GALK2: variants seen among roughly 807,000 people sequenced by gnomAD.
GALK2 encodes the protein galactokinase 2, also known as N-acetylgalactosamine kinase.
In GALK2, 36 loss-of-function variants were observed where a neutral mutation model predicts 52.4. The ratio of observed to expected loss-of-function variants is 0.69; its 90% CI spans 0.53 to 0.91. The LOEUF (loss-of-function observed/expected upper bound fraction) is 0.91, where lower values mean the gene tolerates loss of function less well. GALK2 is among the 40% of genes least tolerant of loss of function. The pLI, the probability that GALK2 is intolerant of heterozygous loss-of-function variation, is 0.00. For synonymous variants in GALK2, 176 were observed against 199.1 expected, an observed-to-expected ratio of 0.88 and a Z score of 0.98; for missense variants, 579 against 559.1, an observed-to-expected ratio of 1.04 and a Z score of -0.36.
chr15:49,357,931 A>T (rs1315592504), intron 3 of GALK2, among the ~76,000 whole-genome samples: 2 of 152,048 alleles, frequency 1.3e-5, no homozygotes, highest in Non-Finnish European at 2.9e-5. Context: ...GGCTGGTTCA[A>T]TATACACAAA....
chr15:49,303,353 A>G (rs2035275950), intron 8 of GALK2, among the ~76,000 whole-genome samples: 1 of 152,192 alleles, frequency 6.6e-6, no homozygotes, highest in African/African-American at 2.4e-5. Context: ...AGAGCCTAGG[A>G]CATGTGTTGG....
At chr15:49,316,007 G>T (rs1253206267) in intron 8 of GALK2, among the ~76,000 whole-genome samples, 1 of 152,152 alleles carries the variant, frequency 6.6e-6, no homozygotes, top group Non-Finnish European at 1.5e-5. Flanking sequence ...CTCCCTGATG[G>T]ACTATATTGA....
chr15:49,327,994 G>C lies in GALK2; in HGVS notation c.1212G>C (p.Trp404Cys), dbSNP rs767278183. The change falls in exon 10 of 10, where the codon TGG becomes TGC. Residue 404 changes from tryptophan to cysteine, a missense_variant. Transcript: ENST00000560031. The stretch of plus-strand genomic sequence containing the variant: ...GGTCACGACTTACTGGAGCAGGATG[G>C]GGAGGCTGCACAGTATCAATGGTAC... The part of the protein sequence containing the change: ...AQGSRLTGAG[W>C]GGCTVSMVPA... 1 of 1,613,808 alleles carries C rather than the reference G, an allele frequency of 6.2e-7. No homozygotes were observed. Among genetic ancestry groups the C allele is most frequent in the East Asian group, 2.2e-5 (1 of 44,880 alleles).
intron 3 of GALK2, among the ~76,000 whole-genome samples, chr15:49,352,920 G>A (rs1318469946): frequency 2.0e-5 from 3 of 152,168 alleles, no homozygotes; most frequent in African/African-American, 7.2e-5. Flanking sequence ...TTACACTGGT[G>A]TTCTGTCTTA....
At chr15:49,168,166 G>A (rs773396245), upstream of GALK2, among the ~76,000 whole-genome samples, 3 of 152,124 alleles carry the variant, frequency 2.0e-5, no homozygotes, top group East Asian at 1.9e-4. Context: ...AGTCTGCATC[G>A]GTTTTGTTGA....
chr15:49,227,979 G>A (rs1002132630), intron 3 of GALK2, among the ~76,000 whole-genome samples: 9 of 152,056 alleles, frequency 5.9e-5, no homozygotes, highest in Admixed American at 5.9e-4. Context: ...TATGAAGGAT[G>A]ATTTTGTTGA....
chr15:49,292,634 T>A, intron 8 of GALK2, 97 bp downstream of exon 8: 1 of 936,608 alleles, frequency 1.1e-6, no homozygotes. Flanking sequence ...CTTGAGGGAA[T>A]TTGGAGACTG....
chr15:49,183,519 C>G (rs2086123302), intron 1 of GALK2, among the ~76,000 whole-genome samples: 1 of 152,196 alleles, frequency 6.6e-6, no homozygotes, highest in Admixed American at 6.5e-5. Context: ...AGAAAAGATA[C>G]ATGATATGAT....
chr15:49,341,221 T>C (rs1277320131), intron 3 of GALK2, among the ~76,000 whole-genome samples: 1 of 152,220 alleles, frequency 6.6e-6, no homozygotes, highest in Non-Finnish European at 1.5e-5. Flanking sequence ...TTGTTCTTTT[T>C]GCTTAGGATT....
intron 7 of GALK2, among the ~76,000 whole-genome samples, chr15:49,285,699 C>T (rs1272891264): frequency 6.6e-6 from 1 of 152,172 alleles, no homozygotes; most frequent in Non-Finnish European, 1.5e-5. Flanking sequence ...TTCCATCGGT[C>T]CCATCATCAC....
At chr15:49,314,794 G>A (rs574756458) in intron 8 of GALK2, among the ~76,000 whole-genome samples, 1 of 152,246 alleles carries the variant, frequency 6.6e-6, no homozygotes, top group South Asian at 2.1e-4. Flanking sequence ...AAATATGTAT[G>A]TGTGTGGGCT....
At chr15:49,342,308 T>A (rs1188449439) in intron 3 of GALK2, among the ~76,000 whole-genome samples, 1 of 152,216 alleles carries the variant, frequency 6.6e-6, no homozygotes, top group African/African-American at 2.4e-5. Flanking sequence ...TTGACTGTTG[T>A]TGGTTTAAAG....
intron 3 of GALK2, among the ~76,000 whole-genome samples, chr15:49,235,093 A>G (rs1176570891): frequency 1.3e-5 from 2 of 152,148 alleles, no homozygotes; most frequent in African/African-American, 4.8e-5. Flanking sequence ...ATTGTAGTTC[A>G]TAAGTGTCTG....
intron 2 of GALK2, among the ~76,000 whole-genome samples, chr15:49,204,736 G>A (rs1212541633): frequency 6.6e-6 from 1 of 151,950 alleles, no homozygotes; most frequent in Admixed American, 6.6e-5. Flanking sequence ...TGGGGTACAG[G>A]TGGTATTTGG....
At chr15:49,194,004 G>A (rs2086989625) in intron 1 of GALK2, 1 of 152,168 alleles carries the variant, frequency 6.6e-6, no homozygotes, top group East Asian at 1.9e-4. Context: ...GGGATTACAG[G>A]TGTGATGTAC....
chr15:49,180,628 A>T lies in GALK2; in HGVS notation c.53+10253A>T, dbSNP rs528843367. Among the ~76,000 whole-genome samples, 29 of 152,320 alleles carry T rather than the reference A, an allele frequency of 1.9e-4. 1 individual carries two copies. The East Asian group carries it at 3.1e-3, about 16-fold the overall frequency. ...TGTATGTTAAAAGCCAGGTTTCTCA[A>T]TATGGCATAAGGCCCTTTAAGATCT... On this transcript the variant is annotated intron_variant, in intron 1 of 9. Transcript: ENST00000560031.
At chr15:49,215,160 TC>T (rs558182467) in intron 2 of GALK2, among the ~76,000 whole-genome samples, 119 of 152,334 alleles carry the variant, frequency 7.8e-4, no homozygotes, top group African/African-American at 2.8e-3. Flanking sequence ...ACTTTCTTTA[TC>T]CTTGACCTTT....
At chr15:49,229,687 T>C (rs1339623226) in intron 3 of GALK2, among the ~76,000 whole-genome samples, 1 of 152,032 alleles carries the variant, frequency 6.6e-6, no homozygotes, top group Non-Finnish European at 1.5e-5. Context: ...TAGGCAGTAG[T>C]AGAGTGAACC....
At chr15:49,349,203 T>G (rs2041922127) in intron 3 of GALK2, among the ~76,000 whole-genome samples, 1 of 152,232 alleles carries the variant, frequency 6.6e-6, no homozygotes, top group Non-Finnish European at 1.5e-5. Flanking sequence ...TACAATTTTT[T>G]AATTGTCTCT....
Sources: allele counts gnomAD v4.1 joint callset (sites outside exome capture counted in the v4.1 genomes callset), GRCh38; gene constraint gnomAD v4.1.1; transcripts MANE v1.5; gene names NCBI Gene and HGNC (gene_info 2026-07-23, HGNC 2026-07-21).